The following CERT1 variants were observed in gnomAD, a reference collection of about 807,000 sequenced individuals.
CERT1 encodes the protein ceramide transfer protein.
A neutral mutation model predicts 87.9 loss-of-function variants in CERT1; 31 were observed. The ratio of observed to expected loss-of-function variants is 0.35; its 90% CI spans 0.27 to 0.48. The LOEUF (loss-of-function observed/expected upper bound fraction) is 0.48. Among genes scored for constraint, CERT1 ranks in the 20% least tolerant of loss-of-function variants. The pLI, the probability that CERT1 is intolerant of heterozygous loss-of-function variation, is 0.99. For synonymous variants in CERT1, 289 were observed against 250.9 expected, an observed-to-expected ratio of 1.15 and a Z score of -1.44; for missense variants, 487 against 758.0, an observed-to-expected ratio of 0.64 and a Z score of 4.20.
At chr5:75,495,315 G>A (rs1000227566) in intron 2 of CERT1, among the ~76,000 whole-genome samples, 1 of 152,048 alleles carries the variant, frequency 6.6e-6, no homozygotes, top group East Asian at 1.9e-4. Context: ...CCAGAACTTT[G>A]GGAGGCTGAG....
At chr5:75,395,151 T>C (rs1762194813) in intron 11 of CERT1, among the ~76,000 whole-genome samples, 1 of 152,190 alleles carries the variant, frequency 6.6e-6, no homozygotes, top group Non-Finnish European at 1.5e-5. Flanking sequence ...TGTACATCCT[T>C]TGATTTCTTT....
chr5:75,499,236 T>C (rs1767226955), intron 2 of CERT1, among the ~76,000 whole-genome samples: 1 of 152,202 alleles, frequency 6.6e-6, no homozygotes, highest in Non-Finnish European at 1.5e-5. Flanking sequence ...TGGAATGAGC[T>C]AAGACTTTGG....
At chr5:75,447,036 CT>C (rs1764572227) in intron 3 of CERT1, among the ~76,000 whole-genome samples, 1 of 152,154 alleles carries the variant, frequency 6.6e-6, no homozygotes, top group Non-Finnish European at 1.5e-5. Flanking sequence ...AGGACAGAAT[CT>C]TTTGTGCTCA....
intron 14 of CERT1, among the ~76,000 whole-genome samples, chr5:75,384,198 A>G (rs963636602): frequency 1.3e-5 from 2 of 152,194 alleles, no homozygotes; most frequent in Admixed American, 6.5e-5. Flanking sequence ...AGGTATTTAA[A>G]TGGATTTCAG....
chr5:75,490,051 A>G (rs1443497434), intron 2 of CERT1, among the ~76,000 whole-genome samples: 2 of 152,232 alleles, frequency 1.3e-5, no homozygotes, highest in Non-Finnish European at 1.5e-5. Flanking sequence ...TTGTAGGGAC[A>G]TGGATGAACG....
At chr5:75,410,866 T>A (rs1167556608) in intron 8 of CERT1, 145 bp downstream of exon 8, 1 of 452,384 alleles carries the variant, frequency 2.2e-6, no homozygotes, top group African/African-American at 2.0e-5. Flanking sequence ...TTATATATCA[T>A]GAAATATACA....
chr5:75,401,935 AG>A (rs1471745789), intron 9 of CERT1: 5 of 152,338 alleles, frequency 3.3e-5, no homozygotes, highest in African/African-American at 1.2e-4. Context: ...CCCCCCAAAA[AG>A]GTTAAGCTTC....
At chr5:75,438,083 T>G (rs1487569474) in intron 3 of CERT1, among the ~76,000 whole-genome samples, 1 of 152,124 alleles carries the variant, frequency 6.6e-6, no homozygotes, top group Non-Finnish European at 1.5e-5. Flanking sequence ...ATTTTGGTGA[T>G]TTTAGAATAA....
At chr5:75,466,857 C>CTTT (rs1765477860) in intron 2 of CERT1, among the ~76,000 whole-genome samples, 1 of 152,154 alleles carries the variant, frequency 6.6e-6, no homozygotes, top group Admixed American at 6.5e-5. Context: ...CAATGTTTTT[C>CTTT]TTTTATTCTT....
intron 2 of CERT1, among the ~76,000 whole-genome samples, chr5:75,499,699 T>G (rs1374825995): frequency 2.0e-5 from 3 of 152,208 alleles, no homozygotes; most frequent in African/African-American, 7.2e-5. Context: ...CACTTCGGAA[T>G]TAAGAGTTGC....
In CERT1 at chr5:75,402,975, T is replaced by A; in HGVS notation, c.1014A>T (p.Glu338Asp). The part of the protein sequence containing the change: ...AALDRQDKIE[E>D]QSQSEKVRLH... ...GAATTTTCAATAATAGATATACCTG[T>A]TCTTCTATTTTATCTTGTCTGTCAA... Residue 338 changes from glutamate (E) to aspartate (D), a missense_variant, in exon 9 of 17, where the codon GAA becomes GAT. This residue lies in a region of CERT1 where 91 missense variants were observed against 86.7 expected (regional missense o/e 1.05). Coordinates refer to ENST00000643780, the MANE Select transcript of CERT1 (RefSeq NM_001379029.1). The A allele has an allele frequency of 6.3e-7, 1 of 1,594,616 alleles. No individual in the cohort carries two copies. Among genetic ancestry groups the A allele is most frequent in the Non-Finnish European group, 8.6e-7 (1 of 1,162,898 alleles).
At chr5:75,435,024 G>C (rs1239650468) in intron 3 of CERT1, among the ~76,000 whole-genome samples, 1 of 151,984 alleles carries the variant, frequency 6.6e-6, no homozygotes, top group Non-Finnish European at 1.5e-5. Flanking sequence ...GCTGGCTTTG[G>C]GGTTGGTCTT....
chr5:75,371,497 A>G (rs1410735702), intron 17 of CERT1: 1 of 152,192 alleles, frequency 6.6e-6, no homozygotes, highest in Non-Finnish European at 1.5e-5. Flanking sequence ...AACAAATAGA[A>G]AACCCATTCC....
At chr5:75,495,065 A>G (rs766786114) in intron 2 of CERT1, among the ~76,000 whole-genome samples, 6 of 152,212 alleles carry the variant, frequency 3.9e-5, no homozygotes, top group East Asian at 1.9e-4. Flanking sequence ...TAAAATCTAG[A>G]TAAGATTCAA....
At chr5:75,399,834 CTT>C (rs1222594769) in intron 10 of CERT1, among the ~76,000 whole-genome samples, 5 of 152,126 alleles carry the variant, frequency 3.3e-5, no homozygotes, top group African/African-American at 1.2e-4. Flanking sequence ...GGGGAGAAAA[CTT>C]ATATACTACA....
At chr5:75,442,258 A>C (rs1764354376) in intron 3 of CERT1, among the ~76,000 whole-genome samples, 1 of 152,152 alleles carries the variant, frequency 6.6e-6, no homozygotes, top group African/African-American at 2.4e-5. Flanking sequence ...GGACTCCCTT[A>C]AGCATTTCTT....
chr5:75,511,576 G>T lies in CERT1; in HGVS notation c.-369C>A. The T allele has an allele frequency of 6.8e-7, 1 of 1,461,246 alleles. No homozygotes were observed. The highest frequency in any genetic ancestry group is 9.0e-7 in the Non-Finnish European group (1 of 1,108,066). 90.5% of individuals were successfully genotyped at this position (1,461,246 alleles called of 1,614,324 possible). Reference sequence around the variant, plus strand: ...AGAGAAAATCCGGCCGCTGAGTCCCGCGTCCACTCACACCTCCGCTACCGC... The same window carrying T: ...AGAGAAAATCCGGCCGCTGAGTCCCTCGTCCACTCACACCTCCGCTACCGC... On this transcript the variant is annotated 5_prime_UTR_variant, in exon 1 of 17. Transcript: ENST00000643780.
chr5:75,393,385 G>C (rs1042890756), intron 11 of CERT1, among the ~76,000 whole-genome samples: 4 of 151,612 alleles, frequency 2.6e-5, no homozygotes, highest in Non-Finnish European at 5.9e-5. Context: ...TCTCACATTT[G>C]AATCACTCAG....
intron 2 of CERT1, among the ~76,000 whole-genome samples, chr5:75,492,816 T>C (rs1459246333): frequency 6.6e-6 from 1 of 152,210 alleles, no homozygotes; most frequent in African/African-American, 2.4e-5. Flanking sequence ...ACACCAGTCA[T>C]GTCCATTCTT....
Sources: gnomAD v4.1 joint callset for allele counts (sites outside exome capture counted in the v4.1 genomes callset) on GRCh38, gnomAD v4.1.1 for gene constraint, gnomAD v4.1.1 regional missense constraint, MANE v1.5 for transcripts, NCBI Gene and HGNC (gene_info 2026-07-23, HGNC 2026-07-21) for gene names.